The following TASP1 variants were observed in gnomAD, a reference collection of about 807,000 sequenced individuals.
TASP1 encodes taspase 1, also known as threonine aspartase 1.
Under a neutral mutation model 56.6 loss-of-function variants are expected in TASP1, and 16 were observed. The observed-to-expected ratio is 0.28, with a 90% CI of 0.19 to 0.43. The LOEUF is 0.43. TASP1 is among the 20% of genes least tolerant of loss of function. The pLI is 1.00. For missense variants in TASP1, 393 were observed against 511.6 expected, an observed-to-expected ratio of 0.77 and a Z score of 2.24; for synonymous variants, 179 against 184.2, an observed-to-expected ratio of 0.97 and a Z score of 0.23.
At chr20:13,302,374 C>T in the TASP1 span, among the ~76,000 whole-genome samples, 727 of 152,286 alleles carry the variant, frequency 4.8e-3, 3 homozygotes, top group Middle Eastern at 0.014. Flanking sequence ...AACTATAATC[C>T]ACCTCTATTA....
intron 9 of TASP1, 102 bp from the exon 10 acceptor site, chr20:13,528,613 G>A (rs1445353584): frequency 4.0e-6 from 4 of 991,160 alleles, no homozygotes; most frequent in South Asian, 1.8e-5. Context: ...GTTTAATAAT[G>A]ATGTAAAACA....
chr20:13,225,538 T>C, the TASP1 span, among the ~76,000 whole-genome samples: 3 of 152,186 alleles, frequency 2.0e-5, no homozygotes, highest in African/African-American at 7.2e-5. Flanking sequence ...TGACTCTTTG[T>C]ATGACTGTCT....
intron 11 of TASP1, among the ~76,000 whole-genome samples, chr20:13,481,990 T>C (rs891518934): frequency 2.6e-5 from 4 of 152,218 alleles, no homozygotes; most frequent in African/African-American, 4.8e-5. Context: ...AAGAAATTTT[T>C]CCCAGACCAA....
At chr20:13,401,060 C>T (rs2123650845) in intron 13 of TASP1, among the ~76,000 whole-genome samples, 1 of 152,266 alleles carries the variant, frequency 6.6e-6, no homozygotes, top group Non-Finnish European at 1.5e-5. Flanking sequence ...GTGAAGCGCC[C>T]AGGCTTCACC....
chr20:13,378,580 T>A, the TASP1 span, among the ~76,000 whole-genome samples: 1 of 152,196 alleles, frequency 6.6e-6, no homozygotes, highest in Non-Finnish European at 1.5e-5. Context: ...TCTATAAATG[T>A]CTATTAGGTC....
chr20:13,606,548 C>T (rs181465032), intron 4 of TASP1, among the ~76,000 whole-genome samples: 1 of 152,222 alleles, frequency 6.6e-6, no homozygotes. Flanking sequence ...TGGCTCACAC[C>T]TGTAATCCCA....
At chr20:13,189,701 A>G in the TASP1 span, among the ~76,000 whole-genome samples, 3 of 152,148 alleles carry the variant, frequency 2.0e-5, no homozygotes, top group Non-Finnish European at 4.4e-5. Flanking sequence ...TACACTGTCA[A>G]TGGGATTGTA....
At chr20:13,587,172 A>G in intron 5 of TASP1, 78 bp downstream of exon 5, 1 of 1,481,784 alleles carries the variant, frequency 6.7e-7, no homozygotes, top group Non-Finnish European at 9.0e-7. Context: ...GGTGAAAAAG[A>G]CTGTAATCAT....
At chr20:13,127,240 A>C in the TASP1 span, among the ~76,000 whole-genome samples, 1 of 152,230 alleles carries the variant, frequency 6.6e-6, no homozygotes, top group African/African-American at 2.4e-5. Context: ...TACTTTGCTC[A>C]ACCCAAATTA....
chr20:13,130,079 CA>C, the TASP1 span, among the ~76,000 whole-genome samples: 1 of 152,324 alleles, frequency 6.6e-6, no homozygotes, highest in Admixed American at 6.5e-5. Context: ...ACAGAATTAT[CA>C]GCCAAGTTTC....
At chr20:13,116,036 C>T in the TASP1 span, among the ~76,000 whole-genome samples, 1 of 152,182 alleles carries the variant, frequency 6.6e-6, no homozygotes, top group African/African-American at 2.4e-5. Context: ...GAAAAGACAA[C>T]TGTATTTGGC....
At position 13,547,683 on chromosome 20, in the gene TASP1, G is replaced by A. The variant is rs139709717; in HGVS notation, c.675+11325C>T. 9.6e-4 allele frequency among the ~76,000 whole-genome samples: 146 copies of A among 152,136 alleles called. 2 individuals carry two copies. The East Asian group carries it at 0.017, about 18-fold the overall frequency. On this transcript the variant is annotated intron_variant, in intron 8 of 13. Transcript: ENST00000337743. Reference sequence around the variant, plus strand: ...TTCTGATAGCACACAGAATTAAAACGGAATAGAGCAGGACTAGAGGCAAAG... The same window carrying A: ...TTCTGATAGCACACAGAATTAAAACAGAATAGAGCAGGACTAGAGGCAAAG...
At chr20:13,386,062 G>A (rs1358301277), downstream of TASP1, among the ~76,000 whole-genome samples, 1 of 152,218 alleles carries the variant, frequency 6.6e-6, no homozygotes, top group Non-Finnish European at 1.5e-5. Context: ...CTTGTTGTAT[G>A]CACCTGCAGC....
chr20:13,621,099 A>G (rs905311311), intron 4 of TASP1, among the ~76,000 whole-genome samples: 8 of 152,182 alleles, frequency 5.3e-5, no homozygotes, highest in Admixed American at 5.2e-4. Flanking sequence ...ATTGTTAGAT[A>G]ATTAATTGAA....
chr20:13,455,984 A>G (rs929354348), intron 11 of TASP1, among the ~76,000 whole-genome samples: 2 of 152,156 alleles, frequency 1.3e-5, no homozygotes, highest in African/African-American at 4.8e-5. Flanking sequence ...AGCTGCAGAC[A>G]AGAGCAGAGC....
chr20:13,137,853 C>G, the TASP1 span, among the ~76,000 whole-genome samples: 2 of 152,168 alleles, frequency 1.3e-5, no homozygotes, highest in African/African-American at 4.8e-5. Flanking sequence ...ATATTTGCCC[C>G]TTCACCACAC....
At chr20:13,249,779 CGTTTTGTTTTGTTTTGTTTT>C in the TASP1 span, among the ~76,000 whole-genome samples, 5,503 of 141,770 alleles carry the variant, frequency 0.039, 136 homozygotes, top group African/African-American at 0.049. Flanking sequence ...TTTTTTGTTG[CGTTTTGTTTTGTTTTGTTTT>C]GTTTTGTTTT....
the TASP1 span, among the ~76,000 whole-genome samples, chr20:13,219,266 G>T: frequency 6.6e-6 from 1 of 152,044 alleles, no homozygotes; most frequent in Non-Finnish European, 1.5e-5. Flanking sequence ...TTTGGCTGTG[G>T]GATTCTAGTT....
the TASP1 span, among the ~76,000 whole-genome samples, chr20:13,272,499 G>A: frequency 5.3e-5 from 8 of 152,230 alleles, no homozygotes; most frequent in African/African-American, 1.7e-4. Context: ...GACAGAGGAG[G>A]AAAAGCACTG....
Sources: gnomAD v4.1 joint callset for allele counts (sites outside exome capture counted in the v4.1 genomes callset) on GRCh38, gnomAD v4.1.1 for gene constraint, MANE v1.5 for transcripts, NCBI Gene and HGNC (gene_info 2026-07-23, HGNC 2026-07-21) for gene names.